The following BPIFA3 variants were observed in gnomAD, a reference collection of about 807,000 sequenced individuals.
BPIFA3 encodes BPI fold-containing family A member 3.
A neutral mutation model predicts 29.7 loss-of-function variants in BPIFA3; 32 were observed. That is an observed-to-expected ratio of 1.08 (90% CI 0.81 to 1.45). The LOEUF is 1.45. Ranked by LOEUF, BPIFA3 falls within the 40% of genes most tolerant of loss-of-function variation. The probability of loss-of-function intolerance (pLI) is 0.00; values close to 1 mark genes in which losing one functional copy is unlikely to be tolerated. For synonymous variants in BPIFA3, 112 were observed against 113.7 expected, an observed-to-expected ratio of 0.98 and a Z score of 0.10; for missense variants, 323 against 311.3, an observed-to-expected ratio of 1.04 and a Z score of -0.28.
intron 1 of BPIFA3, 136 bp from the exon 2 acceptor site, chr20:33,223,675 C>A: frequency 2.3e-6 from 2 of 857,598 alleles, no homozygotes; most frequent in Non-Finnish European, 3.5e-6. Context: ...GGTAGATCTC[C>A]ATGGGGAGGT....
At chr20:33,223,040 T>C (rs1471450712) in intron 1 of BPIFA3, among the ~76,000 whole-genome samples, 1 of 152,086 alleles carries the variant, frequency 6.6e-6, no homozygotes, top group Admixed American at 6.5e-5. Flanking sequence ...AGGGAGATGA[T>C]AGAGCCAGGA....
At chr20:33,226,363 T>C (rs1284493561) in intron 4 of BPIFA3, 43 bp from the exon 5 acceptor site, 7 of 1,413,310 alleles carry the variant, frequency 5.0e-6, no homozygotes, top group Non-Finnish European at 7.0e-6. Context: ...TAATATTGCC[T>C]GGATTGCTCT....
intron 5 of BPIFA3, 132 bp from the exon 6 acceptor site, chr20:33,226,798 C>T: frequency 8.4e-6 from 9 of 1,067,326 alleles, no homozygotes; most frequent in Non-Finnish European, 1.3e-5. Context: ...TTGGCGCTCA[C>T]TACAAGGGAG....
intron 6 of BPIFA3, among the ~76,000 whole-genome samples, chr20:33,227,312 A>G (rs1296138891): frequency 6.6e-6 from 1 of 151,990 alleles, no homozygotes; most frequent in Non-Finnish European, 1.5e-5. Context: ...GACCATCTCT[A>G]CTCCAGTTAC....
chr20:33,225,255 C>T lies in BPIFA3; in HGVS notation c.536+8C>T, dbSNP rs758836054. 3 of 1,613,060 alleles carry T rather than the reference C, an allele frequency of 1.9e-6. No individual in the cohort carries two copies. The highest frequency in any genetic ancestry group is 2.5e-6 in the Non-Finnish European group (3 of 1,179,908). On this transcript the variant is annotated splice_region_variant and intron_variant, in intron 4 of 6. Transcript: ENST00000375454. ...TGTGGCCATCCTCACTGAGTAAGAC[C>T]CCAGCTGCCCCTCCCCAGAGCTGGG...
rs75611985 is a variant in BPIFA3, at chr20:33,224,752, A to T, written c.386+290A>T. Among the ~76,000 whole-genome samples the T allele has an allele frequency of 2.0e-3, 304 of 152,324 alleles. 3 individuals carry two copies. The highest frequency in any genetic ancestry group is 7.1e-3 in the African/African-American group (297 of 41,584). On this transcript the variant is annotated intron_variant, in intron 3 of 6. Coordinates refer to ENST00000375454, the MANE Select transcript of BPIFA3 (RefSeq NM_178466.5). ...AAGGGAGAACTGCTGTAATCATCTC[A>T]TCGCCCCTGCTCACCATCCTCCTGT...
chr20:33,226,997 A>G lies in BPIFA3; in HGVS notation c.685+4A>G, dbSNP rs1200333059. ...AAACTGTTGAAAAGCCTCATAGGTG[A>G]GTGTCTGGTCCATCCAGTGAGGACT... On this transcript the variant is annotated splice_donor_region_variant and intron_variant, in intron 6 of 6. Coordinates refer to ENST00000375454, the MANE Select transcript of BPIFA3 (RefSeq NM_178466.5). 2 of 1,612,900 alleles carry G rather than the reference A, an allele frequency of 1.2e-6. No homozygotes were observed. Among genetic ancestry groups the G allele is most frequent in the Admixed American group, 1.7e-5 (1 of 60,022 alleles).
rs1233244729 is a variant in BPIFA3 at position 33,222,962 on chromosome 20, T to C, written c.128-849T>C. On this transcript the variant is annotated intron_variant, in intron 1 of 6. Coordinates refer to ENST00000375454, the MANE Select transcript of BPIFA3 (RefSeq NM_178466.5). Reference sequence around the variant, plus strand: ...ATTTGTTGGATGAATGAATGAATGGTCTTAATATTCCTCACAAGAACCCTG... The same window carrying C: ...ATTTGTTGGATGAATGAATGAATGGCCTTAATATTCCTCACAAGAACCCTG... Among the ~76,000 whole-genome samples, 3 of 152,178 alleles carry C rather than the reference T, an allele frequency of 2.0e-5. No individual in the cohort carries two copies. In the South Asian group the frequency reaches 6.2e-4, roughly 32 times the overall value.
rs1415802223 is a variant in BPIFA3 at position 33,217,465 on chromosome 20, C to T, written c.-72C>T. 15 of 1,562,932 alleles carry T rather than the reference C, an allele frequency of 9.6e-6. No homozygotes were observed. The highest frequency in any genetic ancestry group is 3.5e-6 in the Non-Finnish European group (4 of 1,156,128). Reference sequence around the variant, plus strand: ...GCAGAAAACCATTAGACCATCCCTCCAGACTGCCACCCTCAAAGCCGTCTG... The same window carrying T: ...GCAGAAAACCATTAGACCATCCCTCTAGACTGCCACCCTCAAAGCCGTCTG... On this transcript the variant is annotated 5_prime_UTR_variant, in exon 1 of 7. An upstream open reading frame in the 5' UTR gains an earlier in-frame stop. Transcript: ENST00000375454.
chr20:33,221,314 G>A (rs897633205), intron 1 of BPIFA3, among the ~76,000 whole-genome samples: 9 of 151,914 alleles, frequency 5.9e-5, no homozygotes, highest in African/African-American at 1.5e-4. Context: ...CCACTACCAC[G>A]ACCTACTGAT....
rs138005010 is a variant in BPIFA3 at position 33,217,768 on chromosome 20, C to T, written c.127+105C>T. On this transcript the variant is annotated intron_variant, in intron 1 of 6. Coordinates refer to ENST00000375454, the MANE Select transcript of BPIFA3 (RefSeq NM_178466.5). The stretch of plus-strand genomic sequence containing the variant: ...CCGCTGGGTGACTTCAGGTTAGTCA[C>T]TTTCCCTCTTCTCTTTTTCTTAGAC... The T allele has an allele frequency of 6.1e-4, 822 of 1,355,600 alleles. 3 individuals are homozygous for T. The African/African-American group carries it at 9.6e-3, about 16-fold the overall frequency. 84.0% of individuals were successfully genotyped at this position (1,355,600 alleles called of 1,614,324 possible).
Position 33,223,783 on chromosome 20 carries a change from A to C in BPIFA3, c.128-28A>C, listed in dbSNP as rs531063838. ...CCCCACCTTTTCCGTGACACTGTGC[A>C]AAGTCAGTGGTCCTTGTGCATTTCC... On this transcript the variant is annotated intron_variant, in intron 1 of 6. Coordinates refer to ENST00000375454, the MANE Select transcript of BPIFA3 (RefSeq NM_178466.5). The C allele has an allele frequency of 1.9e-6, 3 of 1,600,418 alleles. No individual in the cohort carries two copies. In the South Asian group the frequency reaches 3.3e-5, roughly 18 times the overall value.
intron 2 of BPIFA3, 93 bp downstream of exon 2, chr20:33,224,054 C>T: frequency 6.8e-7 from 1 of 1,474,074 alleles, no homozygotes; most frequent in East Asian, 2.3e-5. Context: ...AGGTGCAAGG[C>T]CTGTGAAGAG....
chr20:33,218,733 A>G (rs1237499310), intron 1 of BPIFA3, among the ~76,000 whole-genome samples: 6 of 152,018 alleles, frequency 3.9e-5, no homozygotes, highest in Non-Finnish European at 7.3e-5. Flanking sequence ...TAAAGGCCCT[A>G]TCTCCAAAGA....
intron 6 of BPIFA3, 58 bp from the exon 7 acceptor site, chr20:33,227,480 G>C: frequency 7.1e-7 from 1 of 1,409,624 alleles, no homozygotes; most frequent in Non-Finnish European, 1.0e-6. Context: ...GTTTCCCTTC[G>C]GTGTGGGAGT....
chr20:33,226,814 C>A, intron 5 of BPIFA3, 116 bp from the exon 6 acceptor site: 3 of 1,286,144 alleles, frequency 2.3e-6, no homozygotes, highest in African/African-American at 1.5e-5. Context: ...GGGAGCTGCT[C>A]TGGCCACGAT....
chr20:33,221,902 C>G (rs904987872), intron 1 of BPIFA3, among the ~76,000 whole-genome samples: 1 of 152,190 alleles, frequency 6.6e-6, no homozygotes, highest in Non-Finnish European at 1.5e-5. Context: ...CACGAAGCTG[C>G]TTTTCAAACT....
At chr20:33,226,357 A>G (rs768530757) in intron 4 of BPIFA3, 49 bp from the exon 5 acceptor site, 25 of 1,369,782 alleles carry the variant, frequency 1.8e-5, no homozygotes, top group Non-Finnish European at 2.6e-5. Flanking sequence ...TGGCTTTAAT[A>G]TTGCCTGGAT....
At chr20:33,227,498 T>C (rs748845863) in intron 6 of BPIFA3, 40 bp from the exon 7 acceptor site, 4 of 1,527,232 alleles carry the variant, frequency 2.6e-6, no homozygotes, top group Admixed American at 3.3e-5. Flanking sequence ...AGTTGGGAGG[T>C]GGGCACACTG....
Sources: allele counts gnomAD v4.1 joint callset (sites outside exome capture counted in the v4.1 genomes callset), GRCh38; gene constraint gnomAD v4.1.1; transcripts MANE v1.5; gene names NCBI Gene and HGNC (gene_info 2026-07-23, HGNC 2026-07-21).